The following PLSCR1 variants were observed in gnomAD, a reference collection of about 807,000 sequenced individuals.
PLSCR1 encodes phospholipid scramblase 1.
A neutral mutation model predicts 37.8 loss-of-function variants in PLSCR1; 17 were observed. The ratio of observed to expected loss-of-function variants is 0.45; its 90% CI spans 0.31 to 0.68. The LOEUF (loss-of-function observed/expected upper bound fraction) is 0.68. PLSCR1 is among the 30% of genes least tolerant of loss of function. The pLI, the probability that PLSCR1 is intolerant of heterozygous loss-of-function variation, is 0.06. For synonymous variants in PLSCR1, 116 were observed against 125.9 expected (o/e 0.92, Z 0.53); for missense variants, 347 against 380.9 (o/e 0.91, Z 0.74).
chr3:146,535,069 T>C (rs1262161482), intron 2 of PLSCR1, among the ~76,000 whole-genome samples: 1 of 152,148 alleles, frequency 6.6e-6, no homozygotes, highest in Admixed American at 6.5e-5. Flanking sequence ...CCTAGTTCTC[T>C]AGCTAATAAG....
In PLSCR1 at chr3:146,522,015, T is replaced by C; in HGVS notation, c.394A>G (p.Lys132Glu). 6.2e-7 allele frequency: 1 copy of C among 1,610,936 alleles called. No homozygotes were observed. The highest frequency in any genetic ancestry group is 8.5e-7 in the Non-Finnish European group (1 of 1,177,054). ...GFETNNKYEIKNSFGQRVYFA... is the reference protein window; with the variant it reads ...GFETNNKYEIENSFGQRVYFA... Reference sequence around the variant, plus strand: ...TAAACCCTCTGTCCAAAGCTGTTCTTAATTTCATATTTGTTATTAGTTTCA... The same window carrying C: ...TAAACCCTCTGTCCAAAGCTGTTCTCAATTTCATATTTGTTATTAGTTTCA... The change falls in exon 6 of 9, where the codon AAG becomes GAG. Residue 132 changes from lysine (K) to glutamate (E), a missense_variant. By Grantham distance (56) the Lys-to-Glu change is moderately conservative (BLOSUM62 1). Coordinates refer to ENST00000342435, the MANE Select transcript of PLSCR1 (RefSeq NM_021105.3).
chr3:146,537,059 C>T (rs1390205810), intron 1 of PLSCR1, among the ~76,000 whole-genome samples: 1 of 151,828 alleles, frequency 6.6e-6, no homozygotes, highest in Non-Finnish European at 1.5e-5. Context: ...AAATGTAGGT[C>T]TTGTGGACCT....
chr3:146,518,422 T>A (rs1205324792), intron 7 of PLSCR1, among the ~76,000 whole-genome samples: 1 of 152,172 alleles, frequency 6.6e-6, no homozygotes, highest in East Asian at 1.9e-4. Context: ...TATAAACACT[T>A]ATTGCAAGCT....
intron 3 of PLSCR1, among the ~76,000 whole-genome samples, chr3:146,532,116 G>A (rs2108652921): frequency 1.3e-5 from 2 of 152,158 alleles, no homozygotes; most frequent in Middle Eastern, 6.8e-3. Flanking sequence ...TCTTGGACTT[G>A]AGAAACAAAA....
intron 3 of PLSCR1, among the ~76,000 whole-genome samples, chr3:146,530,943 T>C (rs895394742): frequency 3.9e-5 from 6 of 152,350 alleles, no homozygotes; most frequent in Non-Finnish European, 5.9e-5. Context: ...CTGCCCATCA[T>C]TGTTTAATGA....
chr3:146,529,184 G>C (rs1401915650), intron 3 of PLSCR1, among the ~76,000 whole-genome samples: 1 of 152,178 alleles, frequency 6.6e-6, no homozygotes, highest in Admixed American at 6.5e-5. Context: ...ATTGGTAGAA[G>C]GCCCAAAATA....
chr3:146,525,557 T>A (rs927670491), intron 5 of PLSCR1, 48 bp downstream of exon 5: 2 of 988,042 alleles, frequency 2.0e-6, no homozygotes, highest in African/African-American at 1.6e-5. Flanking sequence ...TTTATCTGCA[T>A]AAACTTCTAC....
chr3:146,540,244 A>AT (rs757210078), intron 1 of PLSCR1, among the ~76,000 whole-genome samples: 2 of 152,112 alleles, frequency 1.3e-5, no homozygotes, highest in Admixed American at 6.5e-5. Context: ...ATATAATCTG[A>AT]TTTTTTCTAA....
In PLSCR1 at chr3:146,522,044, C is replaced by T; in HGVS notation, c.365G>A (p.Gly122Asp). Residue 122 changes from glycine to aspartate, a missense_variant, in exon 6 of 9, where the codon GGT (glycine) becomes GAT (aspartate). By Grantham distance (94) the Gly-to-Asp change is moderately conservative (BLOSUM62 -1). Coordinates refer to ENST00000342435, the MANE Select transcript of PLSCR1 (RefSeq NM_021105.3). ...TTCATATTTGTTATTAGTTTCAAAA[C>T]CTGTTAAAACTAAAAACATAAAAGA... The part of the protein sequence containing the change: ...QQIELLEVLT[G>D]FETNNKYEIK... The T allele has an allele frequency of 6.4e-7, 1 of 1,556,776 alleles. No individual in the cohort carries two copies. The highest frequency in any genetic ancestry group is 8.9e-7 in the Non-Finnish European group (1 of 1,127,724).
chr3:146,517,383 A>G (rs1397972380), intron 7 of PLSCR1: 3 of 261,662 alleles, frequency 1.1e-5, no homozygotes, highest in African/African-American at 2.2e-5. Context: ...TTCCTGAAAT[A>G]TTTAACAATT....
At chr3:146,522,677 C>T (rs987102205) in intron 5 of PLSCR1, among the ~76,000 whole-genome samples, 5 of 152,090 alleles carry the variant, frequency 3.3e-5, no homozygotes, top group African/African-American at 9.7e-5. Context: ...GTCCGACACC[C>T]GTAAAGGGTC....
intron 1 of PLSCR1, among the ~76,000 whole-genome samples, chr3:146,539,246 C>T (rs1560091434): frequency 6.6e-6 from 1 of 152,182 alleles, no homozygotes. Flanking sequence ...CTCACACATG[C>T]AGTTCACAAT....
rs199579757 is a variant in PLSCR1, at chr3:146,521,635, T to C, written c.647A>G (p.Lys216Arg). 1 of 1,613,854 alleles carries C rather than the reference T, an allele frequency of 6.2e-7. No individual in the cohort carries two copies. The highest frequency in any genetic ancestry group is 8.5e-7 in the Non-Finnish European group (1 of 1,179,766). ...TCTTTTCTCATTTTGAATTGTAAAC[T>C]TTGGTAGACATGGGTGCCAAGTCTG... ...VIQTWHPCLP[K>R]FTIQNEKRED... The change falls in exon 7 of 9, where the codon AAG becomes AGG. Residue 216 changes from lysine to arginine, a missense_variant. By Grantham distance (26) the Lys-to-Arg change is conservative. Transcript: ENST00000342435.
At chr3:146,517,254 G>A (rs2043959895) in intron 7 of PLSCR1, 87 bp from the exon 8 acceptor site, 4 of 713,772 alleles carry the variant, frequency 5.6e-6, no homozygotes. Flanking sequence ...AAACAAATAT[G>A]GTATTAAAAT....
At chr3:146,526,120 T>C (rs2108637607) in intron 4 of PLSCR1, among the ~76,000 whole-genome samples, 1 of 143,258 alleles carries the variant, frequency 7.0e-6, no homozygotes, top group East Asian at 2.0e-4. Flanking sequence ...GCGGCAGATG[T>C]TGCAGTGAGC....
intron 1 of PLSCR1, chr3:146,536,805 G>T: frequency 2.5e-6 from 1 of 395,286 alleles, no homozygotes. Flanking sequence ...ACATTCTAAA[G>T]CCTTTTGGGA....
chr3:146,536,149 G>A (rs1010004022), intron 2 of PLSCR1, among the ~76,000 whole-genome samples: 1 of 152,042 alleles, frequency 6.6e-6, no homozygotes, highest in African/African-American at 2.4e-5. Flanking sequence ...TATACATTGA[G>A]GTGTGTATCT....
intron 1 of PLSCR1, among the ~76,000 whole-genome samples, chr3:146,537,702 T>C (rs1031253982): frequency 6.6e-6 from 1 of 151,938 alleles, no homozygotes; most frequent in African/African-American, 2.4e-5. Flanking sequence ...GGACAGACAC[T>C]GTCTCTACTA....
In PLSCR1 at chr3:146,515,705, A is replaced by G. The variant is rs2043936907; in HGVS notation, c.*340T>C. 1.2e-5 allele frequency: 2 copies of G among 170,350 alleles called. No homozygotes were observed. Among genetic ancestry groups the G allele is most frequent in the African/African-American group, 4.7e-5 (2 of 42,224 alleles). 10.6% of individuals were successfully genotyped at this position (170,350 alleles called of 1,614,324 possible). The stretch of plus-strand genomic sequence containing the variant: ...ATAAATTGTAACTAGATTTAATAGG[A>G]CAAGATATAATTTATATAAAAATTA... On this transcript the variant is annotated 3_prime_UTR_variant, in exon 9 of 9. Coordinates refer to ENST00000342435, the MANE Select transcript of PLSCR1 (RefSeq NM_021105.3).
Sources: gnomAD v4.1 joint callset for allele counts (sites outside exome capture counted in the v4.1 genomes callset) on GRCh38, gnomAD v4.1.1 for gene constraint, MANE v1.5 for transcripts, NCBI Gene and HGNC (gene_info 2026-07-23, HGNC 2026-07-21) for gene names.